The following KCNH8 variants were observed in gnomAD, a reference collection of about 807,000 sequenced individuals.
The protein encoded by KCNH8 is potassium voltage-gated channel subfamily H member 8.
In KCNH8, 70 loss-of-function variants were observed where a neutral mutation model predicts 103.6. That is an observed-to-expected ratio of 0.68 (90% CI 0.56 to 0.82). The LOEUF (loss-of-function observed/expected upper bound fraction) is 0.82, where lower values mean the gene tolerates loss of function less well. Among genes scored for constraint, KCNH8 ranks in the 40% least tolerant of loss-of-function variants. KCNH8 has a pLI of 0.00. For missense variants in KCNH8, 1,217 were observed against 1,329.9 expected (o/e 0.92, Z 1.32); for synonymous variants, 498 against 489.4 (o/e 1.02, Z -0.23).
intron 11 of KCNH8, among the ~76,000 whole-genome samples, chr3:19,500,622 G>A (rs1266322643): frequency 1.2e-4 from 18 of 152,162 alleles, no homozygotes; most frequent in Admixed American, 1.2e-3. Flanking sequence ...TCAGGATTAA[G>A]AATCTCACTC....
intron 5 of KCNH8, among the ~76,000 whole-genome samples, chr3:19,356,690 T>G (rs1325038948): frequency 6.6e-6 from 1 of 151,920 alleles, no homozygotes; most frequent in Admixed American, 6.6e-5. Context: ...TACACCACAG[T>G]TGGAGAACTG....
At chr3:19,407,219 A>G (rs761545437) in intron 7 of KCNH8, among the ~76,000 whole-genome samples, 1 of 152,198 alleles carries the variant, frequency 6.6e-6, no homozygotes, top group Non-Finnish European at 1.5e-5. Flanking sequence ...GTAATAGAAA[A>G]TAAGGTGTGA....
intron 7 of KCNH8, among the ~76,000 whole-genome samples, chr3:19,423,830 T>C (rs2066987266): frequency 6.6e-6 from 1 of 152,200 alleles, no homozygotes; most frequent in Non-Finnish European, 1.5e-5. Flanking sequence ...ATGGTAGTTC[T>C]ACTTTTAGTT....
intron 1 of KCNH8, among the ~76,000 whole-genome samples, chr3:19,189,716 T>A (rs1045502338): frequency 1.3e-5 from 2 of 152,022 alleles, no homozygotes; most frequent in Non-Finnish European, 2.9e-5. Context: ...TTAATGATCT[T>A]CCTATTAATT....
intron 3 of KCNH8, among the ~76,000 whole-genome samples, chr3:19,315,134 T>C (rs1041885139): frequency 1.3e-5 from 2 of 151,964 alleles, no homozygotes; most frequent in African/African-American, 4.8e-5. Context: ...AAAGTGATCA[T>C]GTTCTAGAAT....
intron 7 of KCNH8, among the ~76,000 whole-genome samples, chr3:19,402,733 G>A (rs962440104): frequency 6.6e-6 from 1 of 151,848 alleles, no homozygotes; most frequent in African/African-American, 2.4e-5. Flanking sequence ...GAATAAGTGG[G>A]TGAACAACAA....
At chr3:19,211,026 G>A (rs2063765689) in intron 1 of KCNH8, among the ~76,000 whole-genome samples, 1 of 152,058 alleles carries the variant, frequency 6.6e-6, no homozygotes, top group African/African-American at 2.4e-5. Flanking sequence ...GGTTGTTTCA[G>A]TTCTCCTATA....
At chr3:19,321,029 T>G (rs1297407723) in intron 3 of KCNH8, among the ~76,000 whole-genome samples, 4 of 152,022 alleles carry the variant, frequency 2.6e-5, no homozygotes, top group Non-Finnish European at 5.9e-5. Context: ...TCTGTTGCAA[T>G]ATCTCCCATT....
chr3:19,419,228 C>T (rs1396896024), intron 7 of KCNH8, among the ~76,000 whole-genome samples: 1 of 114,612 alleles, frequency 8.7e-6, no homozygotes, highest in African/African-American at 3.5e-5. Context: ...GAGACGGAGT[C>T]TCGCTCTGTC....
chr3:19,160,897 TAATG>T (rs2063227313), intron 1 of KCNH8, among the ~76,000 whole-genome samples: 1 of 152,124 alleles, frequency 6.6e-6, no homozygotes, highest in Admixed American at 6.5e-5. Flanking sequence ...TTTTACTTAA[TAATG>T]GCCCTAAAGC....
At chr3:19,257,686 A>G (rs1285191326) in intron 2 of KCNH8, among the ~76,000 whole-genome samples, 1 of 152,094 alleles carries the variant, frequency 6.6e-6, no homozygotes, top group East Asian at 1.9e-4. Context: ...CGTAGAGAAC[A>G]AAGATTTAAG....
intron 3 of KCNH8, among the ~76,000 whole-genome samples, chr3:19,310,413 T>A (rs1350061543): frequency 6.6e-6 from 1 of 151,898 alleles, no homozygotes; most frequent in African/African-American, 2.4e-5. Context: ...CTTTAGCAAA[T>A]GTTGCTGAAT....
chr3:19,533,249 C>T (rs2069197883), intron 15 of KCNH8, 146 bp from the exon 16 acceptor site: 10 of 601,316 alleles, frequency 1.7e-5, no homozygotes. Flanking sequence ...TCTTTTTCAC[C>T]AAGCAAATGC....
chr3:19,320,304 G>A (rs897302357), intron 3 of KCNH8, among the ~76,000 whole-genome samples: 1 of 151,782 alleles, frequency 6.6e-6, no homozygotes, highest in Admixed American at 6.6e-5. Flanking sequence ...TTTCTCAGAG[G>A]TGTCTTTTAT....
At chr3:19,307,526 A>G (rs745618667) in intron 3 of KCNH8, among the ~76,000 whole-genome samples, 4 of 152,010 alleles carry the variant, frequency 2.6e-5, no homozygotes, top group Admixed American at 6.6e-5. Context: ...TAATCCAGCA[A>G]TCCCACTCCT....
intron 1 of KCNH8, among the ~76,000 whole-genome samples, chr3:19,227,011 A>G (rs1164312753): frequency 2.0e-5 from 3 of 151,978 alleles, no homozygotes; most frequent in Non-Finnish European, 1.5e-5. Context: ...TCTTCACTGG[A>G]CTCCTTTTGC....
intron 7 of KCNH8, among the ~76,000 whole-genome samples, chr3:19,415,273 A>G (rs1016682397): frequency 4.6e-5 from 7 of 151,954 alleles, no homozygotes; most frequent in African/African-American, 1.7e-4. Context: ...CAATACTATT[A>G]TTATTCCCAT....
At chr3:19,484,734 C>T (rs865818831) in intron 11 of KCNH8, among the ~76,000 whole-genome samples, 1 of 152,248 alleles carries the variant, frequency 6.6e-6, no homozygotes, top group Middle Eastern at 3.4e-3. Context: ...CACGCGATCA[C>T]CTGGAAAGAA....
In KCNH8 at chr3:19,416,619, C is replaced by T. The variant is rs986045138; in HGVS notation, c.1177+21308C>T. Among the ~76,000 whole-genome samples the T allele has an allele frequency of 2.8e-4, 42 of 152,188 alleles. 1 individual carries two copies. Among genetic ancestry groups the T allele is most frequent in the African/African-American group, 9.9e-4 (41 of 41,532 alleles). ...CTTATTCTGAGCTCATCTTCAATAGCGCTCTTTCTGTAGAAATCCTGTGCA... is the reference window on the plus strand; with the variant it reads ...CTTATTCTGAGCTCATCTTCAATAGTGCTCTTTCTGTAGAAATCCTGTGCA... On this transcript the variant is annotated intron_variant, in intron 7 of 15. Coordinates refer to ENST00000328405, the MANE Select transcript of KCNH8 (RefSeq NM_144633.3).
Sources: gnomAD v4.1 joint callset for allele counts (sites outside exome capture counted in the v4.1 genomes callset) on GRCh38, gnomAD v4.1.1 for gene constraint, MANE v1.5 for transcripts, NCBI Gene and HGNC (gene_info 2026-07-23, HGNC 2026-07-21) for gene names.